EVA1B: variants seen among roughly 807,000 people sequenced by gnomAD.
The protein encoded by EVA1B is protein eva-1 homolog B.
A neutral mutation model predicts 4.6 loss-of-function variants in EVA1B; 2 were observed. That is an observed-to-expected ratio of 0.43 (90% CI 0.18 to 1.37). EVA1B has a LOEUF of 1.37. Among genes scored for constraint, EVA1B ranks in the 40% most tolerant of loss-of-function variants. The probability of loss-of-function intolerance (pLI) is 0.28; values close to 1 mark genes in which losing one functional copy is unlikely to be tolerated. For missense variants in EVA1B, 263 were observed against 240.4 expected (o/e 1.09, Z -0.62); for synonymous variants, 124 against 115.8 (o/e 1.07, Z -0.46).
chr1:36,322,493 C>T lies in EVA1B; in HGVS notation c.300G>A (p.Leu100=). The T allele has an allele frequency of 6.2e-7, 1 of 1,603,358 alleles. No homozygotes were observed. The highest frequency in any genetic ancestry group is 8.5e-7 in the Non-Finnish European group (1 of 1,179,068). The part of the protein sequence containing the change: ...GPDDTLPGPE[L]SAEPDGPLNV... ...TGAGGGGCCCGTCCGGCTCTGCGGA[C>T]AGCTCGGGGCCCGGCAGCGTGTCGT... Residue 100 remains leucine, a synonymous_variant, in exon 3 of 3, where the codon CTG becomes CTA. Coordinates refer to ENST00000490466, the MANE Select transcript of EVA1B (RefSeq NM_001304762.2).
rs1484923151 is a variant in EVA1B at position 36,322,417 on chromosome 1, C to T, written c.376G>A (p.Glu126Lys). The change falls in exon 3 of 3, where the codon GAG (glutamate) becomes AAG (lysine). Residue 126 changes from glutamate (E) to lysine (K), a missense_variant. Glu to Lys is a moderately conservative substitution (Grantham distance 56). Transcript: ENST00000490466. The stretch of plus-strand genomic sequence containing the variant: ...TCCCGCAGGATCCGTTCGCGCTCCT[C>T]CAGCCGCTGCGCCCGCTCCAGCTCC... ...AEELERAQRL[E>K]ERERILREIW... 1.2e-6 allele frequency: 2 copies of T among 1,602,110 alleles called. No homozygotes were observed. Among genetic ancestry groups the T allele is most frequent in the South Asian group, 2.2e-5 (2 of 90,930 alleles).
chr1:36,323,038 G>A lies in EVA1B; in HGVS notation c.-1C>T, dbSNP rs752346350. The A allele has an allele frequency of 1.6e-5, 25 of 1,601,830 alleles. No homozygotes were observed. The highest frequency in any genetic ancestry group is 3.6e-5 in the Admixed American group (2 of 55,620). On this transcript the variant is annotated 5_prime_UTR_variant, in exon 2 of 3. Coordinates refer to ENST00000490466, the MANE Select transcript of EVA1B (RefSeq NM_001304762.2). ...CCATGTCCCTTCGCGGGGCATCCATGCTGCTCTGGGGGGCAGCTCCCCTAC... is the reference window on the plus strand; with the variant it reads ...CCATGTCCCTTCGCGGGGCATCCATACTGCTCTGGGGGGCAGCTCCCCTAC...
rs758023174 is a variant in EVA1B, at chr1:36,322,518, T to A, written c.275A>T (p.Asp92Val). The A allele has an allele frequency of 1.2e-6, 2 of 1,601,010 alleles. No homozygotes were observed. Among genetic ancestry groups the A allele is most frequent in the South Asian group, 2.2e-5 (2 of 90,664 alleles). Residue 92 changes from aspartate to valine, a missense_variant, in exon 3 of 3, where the codon GAC (aspartate) becomes GTC (valine). Transcript: ENST00000490466. ...EEDTVTRLGPDDTLPGPELSA... is the reference protein window; with the variant it reads ...EEDTVTRLGPVDTLPGPELSA... ...CAGCTCGGGGCCCGGCAGCGTGTCG[T>A]CGGGGCCCAGCCGAGTCACCGTGTC...
chr1:36,322,124 CCCCGGG>C lies in EVA1B; in HGVS notation c.*165_*170del. The C allele has an allele frequency of 7.4e-7, 1 of 1,351,796 alleles. No homozygotes were observed. The highest frequency in any genetic ancestry group is 1.7e-5 in the South Asian group (1 of 58,538). The allele number at this position is 1,351,796 out of a possible 1,614,324, so 83.7% of individuals were successfully genotyped here. A position where few individuals can be genotyped will look rare whatever the true frequency, so the allele number is the denominator to read the frequency against. On this transcript the variant is annotated 3_prime_UTR_variant, in exon 3 of 3. Coordinates refer to ENST00000490466, the MANE Select transcript of EVA1B (RefSeq NM_001304762.2). ...ACCCTGCATGCTGCCCCCTCCCCGC[CCCCGGG>C]GTCTTCTGGCAGGACTGGGGAAGGG...
chr1:36,322,862 G>T, intron 2 of EVA1B, 109 bp downstream of exon 2: 1 of 1,519,800 alleles, frequency 6.6e-7, no homozygotes, highest in Non-Finnish European at 9.0e-7. Flanking sequence ...CCGCCAGCGG[G>T]CAAGAGGGCG....
rs888540820 is a variant in EVA1B, at chr1:36,322,675, G to A, written c.118C>T (p.Leu40=). ...ACGAGCAGGCAGAGGGTGAGCAGCA[G>A]GCCGAAGCAGACGCCCAGCACGAAG... ...LYFVLGVCFG[L]LLTLCLLVIS... is the part of the protein sequence containing the mutation. The change falls in exon 3 of 3, where the codon CTG becomes TTG. Residue 40 remains leucine, a synonymous_variant. Coordinates refer to ENST00000490466, the MANE Select transcript of EVA1B (RefSeq NM_001304762.2). The A allele has an allele frequency of 3.9e-6, 6 of 1,547,358 alleles. No homozygotes were observed. The African/African-American group carries it at 8.2e-5, about 21-fold the overall frequency.
Position 36,322,232 on chromosome 1 carries a change from G to A in EVA1B, c.*63C>T. On this transcript the variant is annotated 3_prime_UTR_variant, in exon 3 of 3. Coordinates refer to ENST00000490466, the MANE Select transcript of EVA1B (RefSeq NM_001304762.2). ...GGCCGAGGCAGTCCGAAGGTGTGGG[G>A]TAGCTCTGAGCTCATGTGCAGGTCC... is the stretch of plus-strand genomic sequence containing the variant. 7.0e-7 allele frequency: 1 copy of A among 1,425,038 alleles called. No individual in the cohort carries two copies. The highest frequency in any genetic ancestry group is 9.2e-7 in the Non-Finnish European group (1 of 1,092,466). 88.3% of individuals were successfully genotyped at this position (1,425,038 alleles called of 1,614,324 possible).
At chr1:36,323,162 G>A (rs1646497311) in intron 1 of EVA1B, 95 bp from the exon 2 acceptor site, 1 of 1,088,250 alleles carries the variant, frequency 9.2e-7, no homozygotes, top group Admixed American at 3.0e-5. Context: ...GCGGGCCCAG[G>A]TTCCACCCTG....
Position 36,322,198 on chromosome 1 carries a change from A to G in EVA1B, c.*97T>C. The G allele has an allele frequency of 7.2e-7, 1 of 1,380,026 alleles. No individual in the cohort carries two copies. Among genetic ancestry groups the G allele is most frequent in the Non-Finnish European group, 9.4e-7 (1 of 1,061,926 alleles). 85.5% of individuals were successfully genotyped at this position (1,380,026 alleles called of 1,614,324 possible). Reference sequence around the variant, plus strand: ...CGGTCCACGCCCAGTAGCACCTGGGAGCTGTGGGGGCCGAGGCAGTCCGAA... The same window carrying G: ...CGGTCCACGCCCAGTAGCACCTGGGGGCTGTGGGGGCCGAGGCAGTCCGAA... On this transcript the variant is annotated 3_prime_UTR_variant, in exon 3 of 3. Transcript: ENST00000490466.
intron 1 of EVA1B, 101 bp downstream of exon 1, chr1:36,323,358 T>G: frequency 3.4e-6 from 1 of 295,474 alleles, no homozygotes; most frequent in Non-Finnish European, 6.3e-6. Flanking sequence ...ATAGGGACGC[T>G]GAGCCTCCAC....
chr1:36,323,779 G>C (rs1646511046), upstream of EVA1B: 1 of 152,254 alleles, frequency 6.6e-6, no homozygotes, highest in Admixed American at 6.5e-5. Flanking sequence ...GGAAACCGCC[G>C]GGGAGGCCGC....
intron 2 of EVA1B, 93 bp downstream of exon 2, chr1:36,322,878 C>T: frequency 2.0e-6 from 3 of 1,524,628 alleles, no homozygotes; most frequent in Non-Finnish European, 1.8e-6. Flanking sequence ...GGGCGGGGAG[C>T]GGGGCGGAGG....
At chr1:36,323,900 G>C (rs906457120), upstream of EVA1B, 1 of 152,282 alleles carries the variant, frequency 6.6e-6, no homozygotes, top group African/African-American at 2.4e-5. Context: ...TACTCCGCCT[G>C]ACAACCCTGC....
rs199975369 is a variant in EVA1B at position 36,322,369 on chromosome 1, C to G, written c.424G>C (p.Asp142His). The G allele has an allele frequency of 2.5e-3, 3,908 of 1,589,702 alleles. 9 individuals carry two copies. The highest frequency in any genetic ancestry group is 4.2e-3 in the South Asian group (374 of 89,430). The change falls in exon 3 of 3, where the codon GAC (aspartate) becomes CAC (histidine). Residue 142 changes from aspartate to histidine, a missense_variant. Coordinates refer to ENST00000490466, the MANE Select transcript of EVA1B (RefSeq NM_001304762.2). ...LREIWRTGQP[D>H]LLGTGTLGPS... ...CCCAGCGTGCCTGTGCCCAGCAGGT[C>G]CGGCTGCCCGGTGCGCCAGATCTCC...
Position 36,322,502 on chromosome 1 carries a change from G to T in EVA1B, c.291C>A (p.Gly97=), listed in dbSNP as rs1283926851. ...CGTCCGGCTCTGCGGACAGCTCGGG[G>T]CCCGGCAGCGTGTCGTCGGGGCCCA... ...TRLGPDDTLP[G]PELSAEPDGP... Residue 97 remains glycine, a synonymous_variant, in exon 3 of 3, where the codon GGC becomes GGA. Coordinates refer to ENST00000490466, the MANE Select transcript of EVA1B (RefSeq NM_001304762.2). 6.2e-7 allele frequency: 1 copy of T among 1,602,328 alleles called. No individual in the cohort carries two copies. The highest frequency in any genetic ancestry group is 8.5e-7 in the Non-Finnish European group (1 of 1,178,848).
chr1:36,322,427 C>T lies in EVA1B; in HGVS notation c.366G>A (p.Ala122=). 1 of 1,602,906 alleles carries T rather than the reference C, an allele frequency of 6.2e-7. No individual in the cohort carries two copies. Among genetic ancestry groups the T allele is most frequent in the Non-Finnish European group, 8.5e-7 (1 of 1,179,354 alleles). ...TCCGTTCGCGCTCCTCCAGCCGCTG[C>T]GCCCGCTCCAGCTCCTCCGCCGACG... ...VFTSAEELER[A]QRLEERERIL... is the part of the protein sequence containing the mutation. Residue 122 remains alanine, a synonymous_variant, in exon 3 of 3, where the codon GCG becomes GCA. Transcript: ENST00000490466.
chr1:36,322,707 C>G lies in EVA1B; in HGVS notation c.86G>C (p.Gly29Ala). ...GCAGACGCCCAGCACGAAGTAGAGG[C>G]CGAAGCTCTCGGGGTTGGCTGCGGG... is the stretch of plus-strand genomic sequence containing the variant. ...AHIRANPESF[G>A]LYFVLGVCFG... The change falls in exon 3 of 3, where the codon GGC (glycine) becomes GCC (alanine). Residue 29 changes from glycine to alanine, a missense_variant. By Grantham distance (60) the Gly-to-Ala change is moderately conservative. Coordinates refer to ENST00000490466, the MANE Select transcript of EVA1B (RefSeq NM_001304762.2). 1.3e-6 allele frequency: 2 copies of G among 1,547,100 alleles called. No homozygotes were observed. Among genetic ancestry groups the G allele is most frequent in the Non-Finnish European group, 1.7e-6 (2 of 1,146,806 alleles).
rs377438130 is a variant in EVA1B at position 36,323,049 on chromosome 1, G to A, written c.-12C>T. On this transcript the variant is annotated 5_prime_UTR_variant, in exon 2 of 3. Coordinates refer to ENST00000490466, the MANE Select transcript of EVA1B (RefSeq NM_001304762.2). ...CGCGGGGCATCCATGCTGCTCTGGGGGGCAGCTCCCCTACCAGCCTGCGAG... is the reference window on the plus strand; with the variant it reads ...CGCGGGGCATCCATGCTGCTCTGGGAGGCAGCTCCCCTACCAGCCTGCGAG... 170 of 1,599,380 alleles carry A rather than the reference G, an allele frequency of 1.1e-4. No homozygotes were observed. The highest frequency in any genetic ancestry group is 1.4e-4 in the Non-Finnish European group (165 of 1,175,736).
intron 1 of EVA1B, 141 bp downstream of exon 1, chr1:36,323,318 C>G (rs1646500343): frequency 2.5e-6 from 1 of 406,698 alleles, no homozygotes; most frequent in Admixed American, 4.5e-5. Context: ...AGCTGAGGCC[C>G]GGTTCCGCCG....
Sources: allele counts gnomAD v4.1 joint callset, GRCh38; gene constraint gnomAD v4.1.1; transcripts MANE v1.5; gene names NCBI Gene and HGNC (gene_info 2026-07-23, HGNC 2026-07-21).